CCSER1: variants seen among roughly 807,000 people sequenced by gnomAD.
CCSER1 encodes the protein serine-rich coiled-coil domain-containing protein 1.
A neutral mutation model predicts 82.0 loss-of-function variants in CCSER1; 41 were observed. The ratio of observed to expected loss-of-function variants is 0.50; its 90% CI spans 0.39 to 0.65. The LOEUF (loss-of-function observed/expected upper bound fraction) is 0.65, where lower values mean the gene tolerates loss of function less well. Among genes scored for constraint, CCSER1 ranks in the 30% least tolerant of loss-of-function variants. The pLI, the probability that CCSER1 is intolerant of heterozygous loss-of-function variation, is 0.00. For synonymous variants in CCSER1, 414 were observed against 383.9 expected, an observed-to-expected ratio of 1.08 and a Z score of -0.92; for missense variants, 1,119 against 1,064.2, an observed-to-expected ratio of 1.05 and a Z score of -0.72.
intron 6 of CCSER1, among the ~76,000 whole-genome samples, chr4:90,664,257 A>G (rs1004648905): frequency 6.6e-6 from 1 of 152,142 alleles, no homozygotes; most frequent in Non-Finnish European, 1.5e-5. Flanking sequence ...TTCATTACAC[A>G]TTTCCAGCTA....
chr4:90,379,734 G>A lies in CCSER1; in HGVS notation c.1510-20302G>A, dbSNP rs189247201. Among the ~76,000 whole-genome samples the A allele has an allele frequency of 3.3e-5, 5 of 152,278 alleles. No individual in the cohort carries two copies. In the East Asian group the frequency reaches 9.7e-4, roughly 29 times the overall value. ...GATATGGTATAAGAAATGGGAGATT[G>A]TGTTAGTCTGTTCTCACATTGCTCT... On this transcript the variant is annotated intron_variant, in intron 3 of 10. Transcript: ENST00000509176.
chr4:91,211,399 A>G (rs1484552813), intron 10 of CCSER1, among the ~76,000 whole-genome samples: 2 of 152,068 alleles, frequency 1.3e-5, no homozygotes, highest in Non-Finnish European at 2.9e-5. Flanking sequence ...ACCTAGAGGC[A>G]TTGATTAATA....
intron 1 of CCSER1, among the ~76,000 whole-genome samples, chr4:90,132,156 C>T (rs1343597842): frequency 2.0e-5 from 3 of 152,146 alleles, no homozygotes; most frequent in African/African-American, 7.2e-5. Flanking sequence ...ATTTTATATT[C>T]ATGCAAGAAT....
At chr4:91,256,854 C>T (rs1325078212) in intron 10 of CCSER1, among the ~76,000 whole-genome samples, 1 of 152,140 alleles carries the variant, frequency 6.6e-6, no homozygotes, top group Non-Finnish European at 1.5e-5. Context: ...AACAGAACCT[C>T]TTCTTCTTGG....
chr4:90,203,013 A>G (rs191284530), intron 1 of CCSER1, among the ~76,000 whole-genome samples: 5 of 152,360 alleles, frequency 3.3e-5, no homozygotes, highest in Admixed American at 2.0e-4. Flanking sequence ...AGTAAACTGT[A>G]AAATTTTCAG....
intron 7 of CCSER1, among the ~76,000 whole-genome samples, chr4:90,749,307 TTGC>T (rs1414955724): frequency 6.6e-6 from 1 of 151,858 alleles, no homozygotes; most frequent in East Asian, 1.9e-4. Flanking sequence ...CCTTTCCCCA[TTGC>T]TTGTTTTTCT....
intron 4 of CCSER1, among the ~76,000 whole-genome samples, chr4:90,459,665 A>T (rs768865763): frequency 2.0e-5 from 3 of 152,114 alleles, no homozygotes; most frequent in Non-Finnish European, 4.4e-5. Flanking sequence ...CTTCTTCTTA[A>T]AAGGGCACCA....
At chr4:90,206,819 C>T (rs1458789456) in intron 1 of CCSER1, among the ~76,000 whole-genome samples, 1 of 149,698 alleles carries the variant, frequency 6.7e-6, no homozygotes, top group Non-Finnish European at 1.5e-5. Flanking sequence ...GAGTCTGAGT[C>T]TCTTTGTAGG....
intron 10 of CCSER1, among the ~76,000 whole-genome samples, chr4:91,147,451 C>A (rs541737896): frequency 6.6e-6 from 1 of 152,348 alleles, no homozygotes; most frequent in South Asian, 2.1e-4. Flanking sequence ...AACACGCATA[C>A]CCTCCTGCAC....
At chr4:91,457,443 A>T (rs1049364146) in intron 10 of CCSER1, among the ~76,000 whole-genome samples, 30 of 152,016 alleles carry the variant, frequency 2.0e-4, no homozygotes, top group African/African-American at 4.3e-4. Flanking sequence ...AAGACAGGAG[A>T]TCACTTGAGC....
chr4:90,412,320 T>TG (rs1284356775), intron 4 of CCSER1, among the ~76,000 whole-genome samples: 127 of 61,564 alleles, frequency 2.1e-3, no homozygotes, highest in Admixed American at 0.019. Flanking sequence ...TGTTGTGGGG[T>TG]GGGGGGAGGG....
chr4:90,876,155 TC>T (rs1767179543), intron 8 of CCSER1, among the ~76,000 whole-genome samples: 1 of 152,028 alleles, frequency 6.6e-6, no homozygotes, highest in Admixed American at 6.6e-5. Flanking sequence ...GGAAAGTTTT[TC>T]CCCCTCAATT....
chr4:91,463,172 T>A (rs180794284), intron 10 of CCSER1, among the ~76,000 whole-genome samples: 1,909 of 152,266 alleles, frequency 0.013, 45 homozygotes, highest in African/African-American at 0.043. Context: ...TCCAGAGGAA[T>A]GATCAGGCAG....
intron 10 of CCSER1, among the ~76,000 whole-genome samples, chr4:91,292,771 T>C (rs916624378): frequency 6.6e-6 from 1 of 151,954 alleles, no homozygotes; most frequent in Non-Finnish European, 1.5e-5. Flanking sequence ...AAAAATAAAT[T>C]TTAAAAAAGT....
intron 8 of CCSER1, among the ~76,000 whole-genome samples, chr4:90,872,025 C>G (rs1163598046): frequency 6.6e-6 from 1 of 150,906 alleles, no homozygotes; most frequent in Non-Finnish European, 1.5e-5. Context: ...AATATCTTTT[C>G]TCATCTCTTT....
At chr4:90,226,527 A>C (rs796826486) in intron 1 of CCSER1, among the ~76,000 whole-genome samples, 8 of 152,366 alleles carry the variant, frequency 5.3e-5, no homozygotes, top group African/African-American at 1.9e-4. Flanking sequence ...AATTCATATC[A>C]ACTATCAGAA....
intron 10 of CCSER1, among the ~76,000 whole-genome samples, chr4:91,501,047 AGTT>A (rs1420672212): frequency 1.3e-5 from 2 of 151,824 alleles, no homozygotes; most frequent in Non-Finnish European, 2.9e-5. Context: ...ATTATAGATT[AGTT>A]GTTCTATTTA....
chr4:90,277,539 C>G (rs187601160), intron 1 of CCSER1, among the ~76,000 whole-genome samples: 1 of 152,226 alleles, frequency 6.6e-6, no homozygotes, highest in East Asian at 1.9e-4. Context: ...CTACAACCAT[C>G]TGATCTTAAA....
At chr4:91,415,909 G>T (rs1028408826) in intron 10 of CCSER1, among the ~76,000 whole-genome samples, 6 of 152,008 alleles carry the variant, frequency 3.9e-5, no homozygotes, top group Non-Finnish European at 5.9e-5. Flanking sequence ...TTTGGTATCA[G>T]GATGATGCTA....
Sources: gnomAD v4.1 joint callset for allele counts (sites outside exome capture counted in the v4.1 genomes callset) on GRCh38, gnomAD v4.1.1 for gene constraint, MANE v1.5 for transcripts, NCBI Gene and HGNC (gene_info 2026-07-23, HGNC 2026-07-21) for gene names.